The following SLC19A2 variants were observed in gnomAD, a reference collection of about 807,000 sequenced individuals.
The protein encoded by SLC19A2 is solute carrier family 19 member 2.
In SLC19A2, 27 loss-of-function variants were observed where a neutral mutation model predicts 44.7. The ratio of observed to expected loss-of-function variants is 0.60; its 90% CI spans 0.45 to 0.83. SLC19A2 has a LOEUF of 0.83. SLC19A2 is among the 40% of genes least tolerant of loss of function. The probability of loss-of-function intolerance (pLI) is 0.00; values close to 1 mark genes in which losing one functional copy is unlikely to be tolerated. For missense variants in SLC19A2, 566 were observed against 613.7 expected (o/e 0.92, Z 0.82); for synonymous variants, 239 against 243.6 (o/e 0.98, Z 0.18).
Position 169,477,461 on chromosome 1 carries a change from C to T in SLC19A2, c.501G>A (p.Val167=). ...CTAGGACAGAGCCCACTGTAAAGCC[C>T]ACCAAAGTGGCACTTCGACAGTAAC... is the stretch of plus-strand genomic sequence containing the variant. ...VTSYCRSATL[V]GFTVGSVLGQ... The change falls in exon 2 of 6, where the codon GTG becomes GTA. Residue 167 remains valine (V), a synonymous_variant. Coordinates refer to ENST00000236137, the MANE Select transcript of SLC19A2 (RefSeq NM_006996.3). 1 of 1,614,170 alleles carries T rather than the reference C, an allele frequency of 6.2e-7. No individual in the cohort carries two copies. Among genetic ancestry groups the T allele is most frequent in the African/African-American group, 1.3e-5 (1 of 75,030 alleles).
At chr1:169,480,512 A>G (rs140918878) in intron 1 of SLC19A2, among the ~76,000 whole-genome samples, 1 of 151,758 alleles carries the variant, frequency 6.6e-6, no homozygotes, top group African/African-American at 2.4e-5. Context: ...CAGGGTTTCA[A>G]TATGTTGGCC....
intron 4 of SLC19A2, 29 bp from the exon 5 acceptor site, chr1:169,468,281 T>A: frequency 1.3e-6 from 2 of 1,572,312 alleles, no homozygotes; most frequent in Non-Finnish European, 1.7e-6. Flanking sequence ...AGTGAATAAA[T>A]AAGAATTACT....
chr1:169,473,589 G>GC (rs1658245773), intron 2 of SLC19A2, among the ~76,000 whole-genome samples: 1 of 151,872 alleles, frequency 6.6e-6, no homozygotes, highest in Non-Finnish European at 1.5e-5. Context: ...GTGCCTTTGC[G>GC]CAAGTCAGTT....
intron 2 of SLC19A2, 75 bp downstream of exon 2, chr1:169,477,080 G>GGGA (rs769899640): frequency 6.6e-6 from 10 of 1,506,982 alleles, no homozygotes; most frequent in Non-Finnish European, 9.2e-6. Flanking sequence ...TCTACCAAGA[G>GGGA]GGAGTTTGCT....
chr1:169,482,344 A>G (rs1157995859), intron 1 of SLC19A2, among the ~76,000 whole-genome samples: 1 of 152,242 alleles, frequency 6.6e-6, no homozygotes, highest in African/African-American at 2.4e-5. Context: ...GTTCAAAACC[A>G]GCCTGGCCAA....
rs1034525067 is a variant in SLC19A2, at chr1:169,464,999, T to G, written c.*850A>C. 3 of 152,276 alleles carry G rather than the reference T, an allele frequency of 2.0e-5. No individual in the cohort carries two copies. The highest frequency in any genetic ancestry group is 2.9e-5 in the Non-Finnish European group (2 of 68,022). 9.4% of individuals were successfully genotyped at this position (152,276 alleles called of 1,614,324 possible). A position where few individuals can be genotyped will look rare whatever the true frequency, so the allele number is the denominator to read the frequency against. On this transcript the variant is annotated 3_prime_UTR_variant, in exon 6 of 6. Transcript: ENST00000236137. ...TACAAATACAAATGGCCTAGTTACA[T>G]CTTTAGCCTATATATGAACTTTTAA...
At chr1:169,475,954 G>C (rs1261295435) in intron 2 of SLC19A2, among the ~76,000 whole-genome samples, 1 of 152,164 alleles carries the variant, frequency 6.6e-6, no homozygotes, top group Non-Finnish European at 1.5e-5. Flanking sequence ...TACTCATAAT[G>C]GTTCTTTATT....
intron 4 of SLC19A2, 167 bp from the exon 5 acceptor site, chr1:169,468,419 AT>A: frequency 1.4e-6 from 1 of 710,536 alleles, no homozygotes; most frequent in South Asian, 2.0e-5. Flanking sequence ...AATGATATAA[AT>A]CTCATGCAAA....
chr1:169,478,164 T>C (rs776045051), intron 1 of SLC19A2, among the ~76,000 whole-genome samples: 6 of 152,092 alleles, frequency 3.9e-5, no homozygotes, highest in Non-Finnish European at 8.8e-5. Flanking sequence ...CCCAAAGCGC[T>C]AGGATTACAA....
chr1:169,485,424 C>T, intron 1 of SLC19A2, 139 bp downstream of exon 1: 1 of 926,140 alleles, frequency 1.1e-6, no homozygotes, highest in Non-Finnish European at 1.7e-6. Flanking sequence ...AAGAAGAGCA[C>T]GAAGCCGACC....
At chr1:169,480,231 G>A (rs1658412559) in intron 1 of SLC19A2, among the ~76,000 whole-genome samples, 1 of 152,148 alleles carries the variant, frequency 6.6e-6, no homozygotes, top group Admixed American at 6.5e-5. Flanking sequence ...GCAGGTAAGG[G>A]TAATCTTGAG....
At chr1:169,473,270 T>C (rs974620343) in intron 2 of SLC19A2, among the ~76,000 whole-genome samples, 3 of 152,166 alleles carry the variant, frequency 2.0e-5, no homozygotes, top group African/African-American at 7.2e-5. Flanking sequence ...ACAGAGTCTC[T>C]GTTGCCCAGG....
Position 169,477,363 on chromosome 1 carries a change from A to G in SLC19A2, c.599T>C (p.Val200Ala), listed in dbSNP as rs779545283. The change falls in exon 2 of 6, where the codon GTG becomes GCG. Residue 200 changes from valine (V) to alanine (A), a missense_variant. Transcript: ENST00000236137. ...LNVISLTCVS[V>A]AFAVAWFLPM... ...TAAAAACCAGGCCACAGCAAAAGCC[A>G]CTGAAACACAGGTAAGAGAGATGAC... 6.2e-7 allele frequency: 1 copy of G among 1,614,222 alleles called. No individual in the cohort carries two copies. The highest frequency in any genetic ancestry group is 2.2e-5 in the East Asian group (1 of 44,886).
intron 1 of SLC19A2, among the ~76,000 whole-genome samples, chr1:169,478,279 T>G (rs919317461): frequency 1.3e-5 from 2 of 152,096 alleles, no homozygotes; most frequent in Non-Finnish European, 2.9e-5. Context: ...TTCAAAGACT[T>G]CCTTATTCAG....
rs754709093 is a variant in SLC19A2 at position 169,468,171 on chromosome 1, C to T, written c.1305G>A (p.Gln435=). ...GVNTFIALAL[Q]TLLTLIVVDA... is the part of the protein sequence containing the mutation. Reference sequence around the variant, plus strand: ...CTACCACAATTAGAGTGAGCAGCGTCTGCAGTGCCAGGGCAATGAAGGTAT... The same window carrying T: ...CTACCACAATTAGAGTGAGCAGCGTTTGCAGTGCCAGGGCAATGAAGGTAT... Residue 435 remains glutamine, a synonymous_variant, in exon 5 of 6, where the codon CAG becomes CAA. Coordinates refer to ENST00000236137, the MANE Select transcript of SLC19A2 (RefSeq NM_006996.3). 1.2e-6 allele frequency: 2 copies of T among 1,613,980 alleles called. No homozygotes were observed. Among genetic ancestry groups the T allele is most frequent in the Admixed American group, 1.7e-5 (1 of 60,020 alleles).
rs544195919 is a variant in SLC19A2, at chr1:169,465,480, A to C, written c.*369T>G. On this transcript the variant is annotated 3_prime_UTR_variant, in exon 6 of 6. Transcript: ENST00000236137. ...GTGGAGCCCTGGTCCCACCAGGCCA[A>C]GCATCTGGCTAAGTAGATACAGACA... The C allele has an allele frequency of 3.5e-5, 9 of 259,524 alleles. No homozygotes were observed. Among genetic ancestry groups the C allele is most frequent in the Admixed American group, 1.0e-4 (2 of 19,766 alleles). The allele number at this position is 259,524 out of a possible 1,614,324, so 16.1% of individuals were successfully genotyped here.
Position 169,480,825 on chromosome 1 carries a change from T to C in SLC19A2, c.205-3068A>G, listed in dbSNP as rs539076249. ...AGACATGTTACATAACTTTTAACCA[T>C]AGTTGTCCCAAAATGATTAACTGCT... On this transcript the variant is annotated intron_variant, in intron 1 of 5. Coordinates refer to ENST00000236137, the MANE Select transcript of SLC19A2 (RefSeq NM_006996.3). Among the ~76,000 whole-genome samples the C allele has an allele frequency of 7.9e-5, 12 of 152,342 alleles. No individual in the cohort carries two copies. In the South Asian group the frequency reaches 2.3e-3, roughly 29 times the overall value.
chr1:169,476,878 T>C (rs1658331126), intron 2 of SLC19A2, among the ~76,000 whole-genome samples: 1 of 152,170 alleles, frequency 6.6e-6, no homozygotes, highest in African/African-American at 2.4e-5. Context: ...GACACAGCCC[T>C]TGCAATCCAA....
intron 2 of SLC19A2, among the ~76,000 whole-genome samples, chr1:169,473,461 G>A (rs995976966): frequency 2.0e-5 from 3 of 149,238 alleles, no homozygotes; most frequent in Non-Finnish European, 4.4e-5. Context: ...GGCAAGGCTC[G>A]TCTCGAACTC....
Sources: allele counts gnomAD v4.1 joint callset (sites outside exome capture counted in the v4.1 genomes callset), GRCh38; gene constraint gnomAD v4.1.1; transcripts MANE v1.5; gene names NCBI Gene and HGNC (gene_info 2026-07-23, HGNC 2026-07-21).